Variants in GRID1 observed in about 807,000 individuals in gnomAD.
The protein encoded by GRID1 is glutamate receptor ionotropic, delta-1.
GRID1 carries 28 observed loss-of-function variants against 98.0 expected under a neutral mutation model. The observed-to-expected ratio is 0.29, with a 90% CI of 0.21 to 0.39. The LOEUF (loss-of-function observed/expected upper bound fraction) is 0.39. GRID1 is among the 10% of genes least tolerant of loss of function. The pLI is 1.00. For missense variants in GRID1, 1,111 were observed against 1,340.5 expected (o/e 0.83, Z 2.67); for synonymous variants, 553 against 538.5 (o/e 1.03, Z -0.37).
At chr10:85,705,705 T>G (rs897468072) in intron 12 of GRID1, among the ~76,000 whole-genome samples, 1 of 152,158 alleles carries the variant, frequency 6.6e-6, no homozygotes, top group Admixed American at 6.5e-5. Context: ...GCAAAAATCC[T>G]CAATAAAATA....
chr10:86,106,836 G>A (rs1436816505), intron 4 of GRID1, among the ~76,000 whole-genome samples: 9 of 152,280 alleles, frequency 5.9e-5, no homozygotes, highest in Non-Finnish European at 1.5e-5. Context: ...GCCGTTGGAG[G>A]TGGCGGCTAA....
chr10:85,628,204 T>C (rs949527215), intron 13 of GRID1, among the ~76,000 whole-genome samples: 3 of 151,874 alleles, frequency 2.0e-5, no homozygotes, highest in African/African-American at 7.3e-5. Context: ...AATGTGTGTG[T>C]GTATGGGTGT....
chr10:85,775,039 A>C (rs907297224), intron 8 of GRID1, among the ~76,000 whole-genome samples: 4 of 152,124 alleles, frequency 2.6e-5, no homozygotes, highest in Admixed American at 2.6e-4. Context: ...ATGTTTATTG[A>C]GGCACTATTC....
At chr10:86,242,254 T>C (rs1271406395) in intron 2 of GRID1, among the ~76,000 whole-genome samples, 1 of 152,162 alleles carries the variant, frequency 6.6e-6, no homozygotes, top group Non-Finnish European at 1.5e-5. Context: ...GAACAACACA[T>C]ACGAAGATCG....
At chr10:85,897,896 G>A (rs1157676659) in intron 5 of GRID1, among the ~76,000 whole-genome samples, 1 of 151,984 alleles carries the variant, frequency 6.6e-6, no homozygotes, top group Non-Finnish European at 1.5e-5. Context: ...TGTCACTCTG[G>A]CCCACGGCAT....
chr10:85,749,633 C>T (rs535556632), intron 8 of GRID1, among the ~76,000 whole-genome samples: 7 of 152,262 alleles, frequency 4.6e-5, no homozygotes, highest in South Asian at 2.1e-4. Context: ...ACATTCTATA[C>T]GATCTGACCA....
chr10:86,138,782 C>CAGA (rs1564687290), intron 4 of GRID1, 37 bp downstream of exon 4: 1 of 1,531,856 alleles, frequency 6.5e-7, no homozygotes, highest in Admixed American at 1.7e-5. Flanking sequence ...GAGCCCTGGG[C>CAGA]ACCAGGCCCC....
intron 4 of GRID1, among the ~76,000 whole-genome samples, chr10:86,002,561 A>G (rs1468026839): frequency 2.6e-5 from 4 of 152,190 alleles, no homozygotes. Flanking sequence ...CAAAATTATT[A>G]CAGTGGTTAC....
intron 4 of GRID1, among the ~76,000 whole-genome samples, chr10:85,952,553 AT>A (rs911302704): frequency 1.3e-5 from 2 of 152,048 alleles, no homozygotes; most frequent in African/African-American, 4.8e-5. Context: ...CAACAAACCC[AT>A]TTTTTAAGGA....
At chr10:85,806,328 A>C (rs1398218562) in intron 8 of GRID1, among the ~76,000 whole-genome samples, 1 of 152,176 alleles carries the variant, frequency 6.6e-6, no homozygotes, top group Non-Finnish European at 1.5e-5. Flanking sequence ...AAGAAAGTGG[A>C]GCAACTGGAA....
intron 2 of GRID1, among the ~76,000 whole-genome samples, chr10:86,277,038 T>C (rs1847281822): frequency 1.3e-5 from 2 of 152,050 alleles, no homozygotes; most frequent in African/African-American, 2.4e-5. Context: ...GAAAGTAGGA[T>C]GGTGGTTTCC....
intron 8 of GRID1, among the ~76,000 whole-genome samples, chr10:85,814,374 CTTAA>C (rs1564598385): frequency 6.6e-6 from 1 of 151,610 alleles, no homozygotes. Context: ...AAGTTTCTAA[CTTAA>C]GTAATTAGAG....
chr10:85,812,960 G>T (rs891569146), intron 8 of GRID1, among the ~76,000 whole-genome samples: 4 of 151,550 alleles, frequency 2.6e-5, no homozygotes, highest in Non-Finnish European at 5.9e-5. Context: ...TGGCAGCATT[G>T]GTACCTAAAG....
chr10:86,284,840 G>A (rs1297101561), intron 2 of GRID1, among the ~76,000 whole-genome samples: 1 of 152,204 alleles, frequency 6.6e-6, no homozygotes, highest in Non-Finnish European at 1.5e-5. Flanking sequence ...GTGGGCAGTG[G>A]GCACTGTGGT....
chr10:86,315,219 G>C (rs1474454249), intron 2 of GRID1, among the ~76,000 whole-genome samples: 1 of 152,120 alleles, frequency 6.6e-6, no homozygotes, highest in East Asian at 1.9e-4. Flanking sequence ...TTGCCTTGTG[G>C]AGACCCCATA....
intron 4 of GRID1, among the ~76,000 whole-genome samples, chr10:85,929,218 G>A (rs1841816360): frequency 6.6e-6 from 1 of 152,182 alleles, no homozygotes; most frequent in South Asian, 2.1e-4. Context: ...GATGCCCATT[G>A]TGTGCAAGGC....
chr10:86,011,733 T>C (rs541132686), intron 4 of GRID1, among the ~76,000 whole-genome samples: 1 of 152,320 alleles, frequency 6.6e-6, no homozygotes, highest in East Asian at 1.9e-4. Flanking sequence ...CTGAGAGTGG[T>C]TCTAATTGTT....
intron 3 of GRID1, among the ~76,000 whole-genome samples, chr10:86,149,397 C>A (rs1021228036): frequency 6.6e-6 from 1 of 152,216 alleles, no homozygotes; most frequent in African/African-American, 2.4e-5. Flanking sequence ...CGTATGGGCA[C>A]GTTCACATGG....
intron 8 of GRID1, among the ~76,000 whole-genome samples, chr10:85,731,905 A>G (rs866800040): frequency 2.3e-5 from 3 of 133,070 alleles, no homozygotes; most frequent in African/African-American, 9.3e-5. Flanking sequence ...GGGAGGGAGA[A>G]AGAAAGAGAA....
Sources: allele counts gnomAD v4.1 joint callset (sites outside exome capture counted in the v4.1 genomes callset), GRCh38; gene constraint gnomAD v4.1.1; transcripts MANE v1.5; gene names NCBI Gene and HGNC (gene_info 2026-07-23, HGNC 2026-07-21).